Variants in PDE10A observed in about 807,000 individuals in gnomAD.
The protein encoded by PDE10A is cAMP and cAMP-inhibited cGMP 3',5'-cyclic phosphodiesterase 10A.
In PDE10A, 39 loss-of-function variants were observed where a neutral mutation model predicts 97.7. The observed-to-expected ratio is 0.40, with a 90% CI of 0.31 to 0.52. The LOEUF (loss-of-function observed/expected upper bound fraction) is 0.52, where lower values mean the gene tolerates loss of function less well. PDE10A is among the 20% of genes least tolerant of loss of function. PDE10A has a pLI of 0.56. For missense variants in PDE10A, 731 were observed against 1,047.8 expected (o/e 0.70, Z 4.17); for synonymous variants, 371 against 376.8 (o/e 0.98, Z 0.18).
chr6:165,720,393 G>A lies in PDE10A; in HGVS notation c.-614-176825C>T, dbSNP rs1187261582. Reference sequence around the variant, plus strand: ...GAAAGGCAGAAGCAACCCCAGGCCAGCAGAGGTTTTGCTGAGAGCGGAATG... The same window carrying A: ...GAAAGGCAGAAGCAACCCCAGGCCAACAGAGGTTTTGCTGAGAGCGGAATG... On this transcript the variant is annotated intron_variant, in intron 1 of 19. Transcript: ENST00000366882. Among the ~76,000 whole-genome samples, 7 of 152,300 alleles carry A rather than the reference G, an allele frequency of 4.6e-5. No homozygotes were observed. The East Asian group carries it at 1.4e-3, about 29-fold the overall frequency.
intron 1 of PDE10A, among the ~76,000 whole-genome samples, chr6:165,559,113 A>C (rs1413995439): frequency 6.6e-6 from 1 of 152,240 alleles, no homozygotes; most frequent in African/African-American, 2.4e-5. Context: ...CAAAGTTTCT[A>C]GCTTAGGTAA....
chr6:165,708,328 G>T (rs1791772280), intron 1 of PDE10A, among the ~76,000 whole-genome samples: 1 of 152,028 alleles, frequency 6.6e-6, no homozygotes, highest in African/African-American at 2.4e-5. Context: ...ATCCCTCTCA[G>T]CCTCACTGTG....
intron 1 of PDE10A, among the ~76,000 whole-genome samples, chr6:165,589,544 C>A (rs1422973637): frequency 1.3e-5 from 2 of 151,952 alleles, no homozygotes; most frequent in African/African-American, 4.8e-5. Context: ...TTTTCTCAGG[C>A]TGGTTTGGGA....
chr6:165,969,470 C>T (rs1266301667), intron 1 of PDE10A, among the ~76,000 whole-genome samples: 1 of 152,126 alleles, frequency 6.6e-6, no homozygotes, highest in African/African-American at 2.4e-5. Flanking sequence ...GGTACAAACA[C>T]TAACAAGGAG....
chr6:165,448,849 T>C (rs915546898), intron 5 of PDE10A, 79 bp downstream of exon 5: 162 of 843,986 alleles, frequency 1.9e-4, no homozygotes, highest in Non-Finnish European at 1.1e-4. Flanking sequence ...TCATGAAATG[T>C]CGGTTGTTTA....
intron 1 of PDE10A, among the ~76,000 whole-genome samples, chr6:165,787,651 A>G (rs1778531741): frequency 6.6e-6 from 1 of 152,220 alleles, no homozygotes; most frequent in African/African-American, 2.4e-5. Context: ...TTATCTAACT[A>G]CCTTTAACCA....
intron 1 of PDE10A, among the ~76,000 whole-genome samples, chr6:165,840,991 C>G (rs1780242541): frequency 6.6e-6 from 1 of 152,186 alleles, no homozygotes; most frequent in South Asian, 2.1e-4. Context: ...ATAGAGGATT[C>G]AAATGTCAGT....
intron 1 of PDE10A, among the ~76,000 whole-genome samples, chr6:165,764,018 G>A (rs958734442): frequency 7.2e-5 from 11 of 152,210 alleles, no homozygotes; most frequent in African/African-American, 2.7e-4. Flanking sequence ...GGAAGTGGTG[G>A]AATGAGTAGC....
At position 165,395,080 on chromosome 6, in the gene PDE10A, AAAT is replaced by A. The variant is rs1234426951; in HGVS notation, c.2303+98_2303+100del. On this transcript the variant is annotated intron_variant, in intron 15 of 21. Coordinates refer to ENST00000539869, the MANE Select transcript of PDE10A (RefSeq NM_001385079.1). ...AGTAATTTATACATGCAGTATTTAA[AAAT>A]AATTACAAACAAAGATCGTGGTGAG... 5 of 681,192 alleles carry A rather than the reference AAAT, an allele frequency of 7.3e-6. No homozygotes were observed. In the African/African-American group the frequency reaches 9.2e-5, roughly 13 times the overall value. The allele number at this position is 681,192 out of a possible 1,614,324, so 42.2% of individuals were successfully genotyped here. A position where few individuals can be genotyped will look rare whatever the true frequency, so the allele number is the denominator to read the frequency against.
chr6:165,847,917 G>A (rs931613689), intron 1 of PDE10A, among the ~76,000 whole-genome samples: 1 of 152,164 alleles, frequency 6.6e-6, no homozygotes, highest in African/African-American at 2.4e-5. Context: ...TGCATTCAAT[G>A]GAAATTTGCA....
chr6:165,961,006 G>A (rs969063279), intron 1 of PDE10A, among the ~76,000 whole-genome samples: 10 of 152,110 alleles, frequency 6.6e-5, no homozygotes, highest in Admixed American at 5.9e-4. Flanking sequence ...GAACGCATAA[G>A]GGGACCTGGG....
Position 165,867,152 on chromosome 6 carries a change from G to T in PDE10A, c.-615+120377C>A, listed in dbSNP as rs534973857. Among the ~76,000 whole-genome samples, 10 of 151,584 alleles carry T rather than the reference G, an allele frequency of 6.6e-5. No homozygotes were observed. In the East Asian group the frequency reaches 1.9e-3, roughly 29 times the overall value. On this transcript the variant is annotated intron_variant, in intron 1 of 19. Transcript: ENST00000366882. ...ATCAGAAAATAATTAAGAAAGTGTA[G>T]GAGTAAGTTCCCACCTACAAAGAAC...
At chr6:165,906,009 TTCCTTCCCTCCC>T (rs1782258308) in intron 1 of PDE10A, among the ~76,000 whole-genome samples, 2 of 31,678 alleles carry the variant, frequency 6.3e-5, no homozygotes, top group Non-Finnish European at 1.2e-4. Context: ...CCTTCCTTCC[TTCCTTCCCTCCC>T]TCCCTTCCTT....
At chr6:165,915,583 T>G (rs115782534) in intron 1 of PDE10A, among the ~76,000 whole-genome samples, 1 of 152,124 alleles carries the variant, frequency 6.6e-6, no homozygotes, top group African/African-American at 2.4e-5. Flanking sequence ...GGTCTCTTCA[T>G]TACTGTCTTC....
chr6:165,562,514 A>G (rs1784567777), intron 1 of PDE10A, among the ~76,000 whole-genome samples: 1 of 152,204 alleles, frequency 6.6e-6, no homozygotes, highest in Non-Finnish European at 1.5e-5. Flanking sequence ...GCAACTAACA[A>G]TTCTTCAAGA....
At chr6:165,411,549 G>GA (rs1787837894) in intron 13 of PDE10A, among the ~76,000 whole-genome samples, 1 of 152,126 alleles carries the variant, frequency 6.6e-6, no homozygotes, top group Admixed American at 6.5e-5. Flanking sequence ...AAAACTGTGA[G>GA]AAAAAAATTT....
intron 1 of PDE10A, among the ~76,000 whole-genome samples, chr6:165,747,930 A>G (rs541952658): frequency 1.3e-5 from 2 of 152,346 alleles, no homozygotes; most frequent in East Asian, 1.9e-4. Flanking sequence ...CGTGGCAGAA[A>G]GGTGGAGGAC....
At chr6:165,415,823 T>A (rs1178819300) in intron 12 of PDE10A, among the ~76,000 whole-genome samples, 1 of 152,208 alleles carries the variant, frequency 6.6e-6, no homozygotes, top group African/African-American at 2.4e-5. Flanking sequence ...GCAAATTTCT[T>A]ACTATGTGTT....
chr6:165,866,016 A>G (rs886759431), intron 1 of PDE10A, among the ~76,000 whole-genome samples: 1 of 152,230 alleles, frequency 6.6e-6, no homozygotes, highest in Non-Finnish European at 1.5e-5. Flanking sequence ...AGAGGAAGAA[A>G]TGAACAAAGG....
Sources: allele counts gnomAD v4.1 joint callset (sites outside exome capture counted in the v4.1 genomes callset), GRCh38; gene constraint gnomAD v4.1.1; transcripts MANE v1.5; gene names NCBI Gene and HGNC (gene_info 2026-07-23, HGNC 2026-07-21).